Variants in SCFD2 observed in about 807,000 individuals in gnomAD.
The protein encoded by SCFD2 is sec1 family domain-containing protein 2.
SCFD2 carries 54 observed loss-of-function variants against 58.9 expected under a neutral mutation model. The ratio of observed to expected loss-of-function variants is 0.92; its 90% confidence interval spans 0.74 to 1.15. The LOEUF is 1.15. Ranked by LOEUF, SCFD2 falls within the 50% of genes most tolerant of loss-of-function variation. SCFD2 has a pLI of 0.00. For missense variants in SCFD2, 805 were observed against 836.6 expected, an observed-to-expected ratio of 0.96 and a Z score of 0.47; for synonymous variants, 321 against 335.9, an observed-to-expected ratio of 0.96 and a Z score of 0.49.
intron 8 of SCFD2, among the ~76,000 whole-genome samples, chr4:52,875,802 CTATATATATATATATATATATATATA>C (rs3052566): frequency 0.044 from 2,683 of 61,292 alleles, 184 homozygotes; most frequent in African/African-American, 0.11. Context: ...TTATCTTTAA[CTATATATATATATATATATATATATA>C]TATATATATA....
intron 4 of SCFD2, among the ~76,000 whole-genome samples, chr4:53,266,085 A>G (rs1184109525): frequency 6.6e-6 from 1 of 152,200 alleles, no homozygotes; most frequent in Non-Finnish European, 1.5e-5. Flanking sequence ...GCATAAAAAC[A>G]TCAGCCATCC....
At position 52,916,647 on chromosome 4, in the gene SCFD2, C is replaced by G. The variant is rs182534210; in HGVS notation, c.1707+4078G>C. The stretch of plus-strand genomic sequence containing the variant: ...GTTGGGGGCTTAGGTTTCCAGTCAA[C>G]AGAAGCGAGCAACAAACACAACCTT... On this transcript the variant is annotated intron_variant, in intron 6 of 8. Transcript: ENST00000401642. Among the ~76,000 whole-genome samples the G allele has an allele frequency of 2.7e-3, 417 of 152,290 alleles. 4 individuals carry two copies. Among genetic ancestry groups the G allele is most frequent in the African/African-American group, 9.7e-3 (401 of 41,552 alleles).
intron 5 of SCFD2, among the ~76,000 whole-genome samples, chr4:53,134,488 C>T (rs1298970677): frequency 6.6e-6 from 1 of 152,002 alleles, no homozygotes; most frequent in Non-Finnish European, 1.5e-5. Context: ...TAGAGAAGAA[C>T]TAAAATCAAA....
chr4:52,952,406 G>A (rs1266789382), intron 5 of SCFD2, among the ~76,000 whole-genome samples: 6 of 151,890 alleles, frequency 4.0e-5, no homozygotes, highest in Admixed American at 2.6e-4. Context: ...AGGCCCCTGC[G>A]GTCTGCTCCA....
chr4:53,176,547 G>C (rs111970444), intron 4 of SCFD2, among the ~76,000 whole-genome samples: 2 of 152,034 alleles, frequency 1.3e-5, no homozygotes, highest in African/African-American at 4.8e-5. Flanking sequence ...CCTGAATAGA[G>C]AGAAAGGAAT....
At chr4:53,078,195 G>A (rs1183047777) in intron 5 of SCFD2, among the ~76,000 whole-genome samples, 5 of 152,116 alleles carry the variant, frequency 3.3e-5, no homozygotes, top group Non-Finnish European at 7.4e-5. Flanking sequence ...GAGGCTCAGG[G>A]AAGTGAAGTA....
intron 5 of SCFD2, among the ~76,000 whole-genome samples, chr4:53,038,374 C>T (rs887871481): frequency 1.3e-5 from 2 of 151,960 alleles, no homozygotes; most frequent in South Asian, 4.2e-4. Context: ...TTTCTTTGGC[C>T]CACCCTCAAT....
At chr4:52,992,394 C>A (rs1034181428) in intron 5 of SCFD2, among the ~76,000 whole-genome samples, 8 of 152,326 alleles carry the variant, frequency 5.3e-5, no homozygotes, top group African/African-American at 1.9e-4. Flanking sequence ...CACCTCCCAG[C>A]CGCCTGCCTT....
At chr4:53,080,378 G>T (rs1314387680) in intron 5 of SCFD2, among the ~76,000 whole-genome samples, 1 of 152,090 alleles carries the variant, frequency 6.6e-6, no homozygotes, top group Non-Finnish European at 1.5e-5. Flanking sequence ...TTGTTTTATA[G>T]GATATTTTGG....
chr4:53,329,022 T>C (rs1426767916), intron 2 of SCFD2, among the ~76,000 whole-genome samples: 1 of 152,184 alleles, frequency 6.6e-6, no homozygotes, highest in Non-Finnish European at 1.5e-5. Context: ...CACCCGAATA[T>C]TGTGCTTTTC....
chr4:53,141,208 AT>A (rs1726153625), intron 5 of SCFD2, among the ~76,000 whole-genome samples: 1 of 152,240 alleles, frequency 6.6e-6, no homozygotes, highest in Admixed American at 6.5e-5. Flanking sequence ...GATAATCTAT[AT>A]TTTTGTAAGC....
intron 4 of SCFD2, 34 bp from the exon 5 acceptor site, chr4:53,145,616 CT>C: frequency 6.3e-7 from 1 of 1,588,104 alleles, no homozygotes; most frequent in Non-Finnish European, 8.6e-7. Flanking sequence ...ATATGTCAAT[CT>C]TGTATAAAGA....
At chr4:53,222,253 A>T (rs1465482719) in intron 4 of SCFD2, among the ~76,000 whole-genome samples, 1 of 152,262 alleles carries the variant, frequency 6.6e-6, no homozygotes, top group African/African-American at 2.4e-5. Flanking sequence ...TAAGAAGAGA[A>T]TAAAAATCTT....
intron 2 of SCFD2, among the ~76,000 whole-genome samples, chr4:53,338,933 C>T (rs1297827105): frequency 2.6e-5 from 4 of 151,906 alleles, no homozygotes; most frequent in Non-Finnish European, 4.4e-5. Context: ...AACCCAGACT[C>T]CTATACCCAG....
chr4:53,208,253 A>G (rs968015387), intron 4 of SCFD2, among the ~76,000 whole-genome samples: 4 of 152,022 alleles, frequency 2.6e-5, no homozygotes, highest in Non-Finnish European at 5.9e-5. Flanking sequence ...GCCAGACACG[A>G]GCCACCACAC....
intron 5 of SCFD2, among the ~76,000 whole-genome samples, chr4:52,923,600 G>A (rs1304152008): frequency 3.3e-5 from 5 of 152,144 alleles, no homozygotes; most frequent in Non-Finnish European, 5.9e-5. Flanking sequence ...AGGGGATTGG[G>A]GGGTAGGGGA....
At chr4:53,304,490 G>C (rs542955868) in intron 3 of SCFD2, among the ~76,000 whole-genome samples, 2 of 151,906 alleles carry the variant, frequency 1.3e-5, no homozygotes, top group African/African-American at 4.8e-5. Context: ...TGCTCTTTTT[G>C]TATAGTGCCA....
chr4:52,930,971 T>C (rs1007756479), intron 5 of SCFD2, among the ~76,000 whole-genome samples: 21 of 152,136 alleles, frequency 1.4e-4, no homozygotes, highest in African/African-American at 5.1e-4. Flanking sequence ...CTTTGGGACC[T>C]TTTTCCAGCA....
chr4:52,936,818 C>T (rs2109506519), intron 5 of SCFD2, among the ~76,000 whole-genome samples: 1 of 152,354 alleles, frequency 6.6e-6, no homozygotes, highest in Non-Finnish European at 1.5e-5. Flanking sequence ...TTCGCTTCTG[C>T]AACTTCTTTG....
Sources: gnomAD v4.1 joint callset for allele counts (sites outside exome capture counted in the v4.1 genomes callset) on GRCh38, gnomAD v4.1.1 for gene constraint, MANE v1.5 for transcripts, NCBI Gene and HGNC (gene_info 2026-07-23, HGNC 2026-07-21) for gene names.